KCTD8: variants seen among roughly 807,000 people sequenced by gnomAD.
The protein encoded by KCTD8 is BTB/POZ domain-containing protein KCTD8.
A neutral mutation model predicts 31.5 loss-of-function variants in KCTD8; 27 were observed. The ratio of observed to expected loss-of-function variants is 0.86; its 90% CI spans 0.63 to 1.18. The LOEUF (loss-of-function observed/expected upper bound fraction) is 1.18. KCTD8 is among the 50% of genes most tolerant of loss of function. KCTD8 has a pLI of 0.00. For missense variants in KCTD8, 658 were observed against 647.7 expected, an observed-to-expected ratio of 1.02 and a Z score of -0.17; for synonymous variants, 290 against 280.0, an observed-to-expected ratio of 1.04 and a Z score of -0.36.
At chr4:44,402,193 CTTA>C (rs1350114312) in intron 1 of KCTD8, among the ~76,000 whole-genome samples, 2 of 152,112 alleles carry the variant, frequency 1.3e-5, no homozygotes, top group Non-Finnish European at 2.9e-5. Context: ...TATTTAACTT[CTTA>C]GATTTTAGTC....
chr4:44,311,888 C>A (rs1163992669), intron 1 of KCTD8, among the ~76,000 whole-genome samples: 2 of 150,108 alleles, frequency 1.3e-5, no homozygotes, highest in Non-Finnish European at 3.0e-5. Context: ...ATGGACTGAA[C>A]TAGTACAGAG....
At chr4:44,402,954 T>G (rs375734442) in intron 1 of KCTD8, among the ~76,000 whole-genome samples, 3 of 152,200 alleles carry the variant, frequency 2.0e-5, no homozygotes, top group African/African-American at 7.2e-5. Context: ...ATGATATAAA[T>G]GTGCCCCTTG....
chr4:44,407,661 C>G (rs1720834415), intron 1 of KCTD8, among the ~76,000 whole-genome samples: 1 of 152,138 alleles, frequency 6.6e-6, no homozygotes. Flanking sequence ...GCTGGGATTA[C>G]AGGTGTGAGC....
chr4:44,271,106 A>C (rs1236965159), intron 1 of KCTD8, among the ~76,000 whole-genome samples: 1 of 152,156 alleles, frequency 6.6e-6, no homozygotes, highest in Non-Finnish European at 1.5e-5. Context: ...CTAAAAATCC[A>C]TGAGGAAAGG....
At chr4:44,441,647 C>T (rs746575733) in intron 1 of KCTD8, among the ~76,000 whole-genome samples, 2 of 152,146 alleles carry the variant, frequency 1.3e-5, no homozygotes, top group African/African-American at 4.8e-5. Context: ...AATCCCAGCT[C>T]AGCCCTATAC....
At chr4:44,423,714 AC>A (rs1721278788) in intron 1 of KCTD8, among the ~76,000 whole-genome samples, 1 of 152,146 alleles carries the variant, frequency 6.6e-6, no homozygotes. Context: ...AAGGAAAAAA[AC>A]GAAAGCTTTT....
At chr4:44,374,704 G>A (rs1237968487) in intron 1 of KCTD8, among the ~76,000 whole-genome samples, 1 of 152,138 alleles carries the variant, frequency 6.6e-6, no homozygotes, top group East Asian at 1.9e-4. Context: ...GGTGAGAGAT[G>A]TGGGGGGAGG....
At chr4:44,231,160 A>G (rs1177096743) in intron 1 of KCTD8, among the ~76,000 whole-genome samples, 1 of 152,114 alleles carries the variant, frequency 6.6e-6, no homozygotes, top group Non-Finnish European at 1.5e-5. Context: ...AATAATCTCA[A>G]TTATCCTCCA....
intron 1 of KCTD8, among the ~76,000 whole-genome samples, chr4:44,399,740 A>T (rs1405949059): frequency 6.6e-6 from 1 of 152,234 alleles, no homozygotes; most frequent in Non-Finnish European, 1.5e-5. Flanking sequence ...ATCAAGTCAT[A>T]CTAAGGGTAC....
At chr4:44,276,407 C>T (rs1426258596) in intron 1 of KCTD8, among the ~76,000 whole-genome samples, 4 of 151,902 alleles carry the variant, frequency 2.6e-5, no homozygotes, top group Non-Finnish European at 2.9e-5. Context: ...GCCTCTTATT[C>T]GTTTGGATGC....
chr4:44,396,949 A>G (rs1720520171), intron 1 of KCTD8, among the ~76,000 whole-genome samples: 3 of 152,170 alleles, frequency 2.0e-5, no homozygotes, highest in South Asian at 4.1e-4. Context: ...GTCAACTTCC[A>G]AAAATAAGTA....
chr4:44,288,182 T>C (rs781621415), intron 1 of KCTD8, among the ~76,000 whole-genome samples: 1 of 152,138 alleles, frequency 6.6e-6, no homozygotes, highest in East Asian at 1.9e-4. Flanking sequence ...AAAAGGCACT[T>C]AAGACTTGAA....
At chr4:44,267,811 T>A (rs1024729390) in intron 1 of KCTD8, among the ~76,000 whole-genome samples, 1 of 152,186 alleles carries the variant, frequency 6.6e-6, no homozygotes, top group African/African-American at 2.4e-5. Flanking sequence ...GGTAAATCCC[T>A]CGACACATAC....
intron 1 of KCTD8, among the ~76,000 whole-genome samples, chr4:44,246,333 C>T (rs944878732): frequency 6.6e-6 from 1 of 151,874 alleles, no homozygotes; most frequent in Non-Finnish European, 1.5e-5. Flanking sequence ...TATTTTAGCC[C>T]GTATTTCTCT....
intron 1 of KCTD8, among the ~76,000 whole-genome samples, chr4:44,393,932 G>C (rs180933354): frequency 6.6e-6 from 1 of 151,610 alleles, no homozygotes; most frequent in South Asian, 2.1e-4. Context: ...TGCCTATACG[G>C]TGTATATTTA....
At chr4:44,392,247 G>A (rs1720393614) in intron 1 of KCTD8, among the ~76,000 whole-genome samples, 1 of 151,944 alleles carries the variant, frequency 6.6e-6, no homozygotes, top group Non-Finnish European at 1.5e-5. Context: ...AGGACATTAA[G>A]AATGTAGGAG....
At chr4:44,445,474 T>TTCTG (rs1721916730) in intron 1 of KCTD8, among the ~76,000 whole-genome samples, 1 of 152,164 alleles carries the variant, frequency 6.6e-6, no homozygotes, top group South Asian at 2.1e-4. Context: ...TATTTAACAC[T>TTCTG]TCTGTAGCTC....
intron 1 of KCTD8, among the ~76,000 whole-genome samples, chr4:44,282,031 A>T (rs1036504361): frequency 2.6e-5 from 4 of 152,178 alleles, no homozygotes; most frequent in Admixed American, 2.0e-4. Flanking sequence ...AAGAAAATCT[A>T]GCTTGATTAA....
At chr4:44,299,801 C>CT (rs1480659762) in intron 1 of KCTD8, among the ~76,000 whole-genome samples, 1 of 143,768 alleles carries the variant, frequency 7.0e-6, no homozygotes, top group Non-Finnish European at 1.5e-5. Flanking sequence ...CGGAGTCTCA[C>CT]TCTGTCGCCC....
Sources: gnomAD v4.1 joint callset for allele counts (sites outside exome capture counted in the v4.1 genomes callset) on GRCh38, gnomAD v4.1.1 for gene constraint, MANE v1.5 for transcripts, NCBI Gene and HGNC (gene_info 2026-07-23, HGNC 2026-07-21) for gene names.